KLHL12: variants seen among roughly 807,000 people sequenced by gnomAD.
KLHL12 encodes the protein kelch-like protein 12.
KLHL12 carries 17 observed loss-of-function variants against 60.8 expected under a neutral mutation model. The observed-to-expected ratio is 0.28, with a 90% CI of 0.19 to 0.42. The LOEUF is 0.42. Ranked by LOEUF, KLHL12 falls within the 10% of genes least tolerant of loss-of-function variation. The pLI is 1.00. For missense variants in KLHL12, 468 were observed against 722.3 expected, an observed-to-expected ratio of 0.65 and a Z score of 4.04; for synonymous variants, 220 against 250.9, an observed-to-expected ratio of 0.88 and a Z score of 1.16.
chr1:202,892,785 A>G, intron 11 of KLHL12, 126 bp from the exon 12 acceptor site: 8 of 902,356 alleles, frequency 8.9e-6, no homozygotes, highest in Non-Finnish European at 1.3e-5. Flanking sequence ...ATTTGAGACC[A>G]GCCTGGGCAA....
intron 4 of KLHL12, among the ~76,000 whole-genome samples, chr1:202,916,431 T>C (rs1474735424): frequency 2.6e-5 from 4 of 152,220 alleles, no homozygotes; most frequent in African/African-American, 9.6e-5. Context: ...AAGTGGCTGA[T>C]GTCAGGAGTT....
At chr1:202,901,770 G>A (rs1660014778) in intron 6 of KLHL12, among the ~76,000 whole-genome samples, 1 of 152,132 alleles carries the variant, frequency 6.6e-6, no homozygotes, top group Admixed American at 6.5e-5. Flanking sequence ...TGCCAACAGA[G>A]CTTTTGATAA....
In KLHL12 at chr1:202,912,639, G is replaced by A. The variant is rs188508213; in HGVS notation, c.568-1436C>T. On this transcript the variant is annotated intron_variant, in intron 4 of 11. Coordinates refer to ENST00000367261, the MANE Select transcript of KLHL12 (RefSeq NM_021633.4). ...GGCAGAAGCTCTGGGCCCCTATGGC[G>A]GTGGAGGCCAATACTCTGCCAAACC... The A allele has an allele frequency of 8.2e-4, 1,092 of 1,335,218 alleles. 6 individuals carry two copies. The African/African-American group carries it at 0.014, about 17-fold the overall frequency. 82.7% of individuals were successfully genotyped at this position (1,335,218 alleles called of 1,614,324 possible). A position where few individuals can be genotyped will look rare whatever the true frequency, so the allele number is the denominator to read the frequency against.
intron 10 of KLHL12, 119 bp downstream of exon 10, chr1:202,894,065 A>G: frequency 3.3e-6 from 2 of 598,880 alleles, no homozygotes; most frequent in East Asian, 2.9e-5. Flanking sequence ...AAACAGAGAC[A>G]AGGAGGAGAG....
rs943225991 is a variant in KLHL12, at chr1:202,895,456, G to A, written c.1135+66C>T. 7 of 1,354,842 alleles carry A rather than the reference G, an allele frequency of 5.2e-6. No individual in the cohort carries two copies. The African/African-American group carries it at 7.3e-5, about 14-fold the overall frequency. 83.9% of individuals were successfully genotyped at this position (1,354,842 alleles called of 1,614,324 possible). ...ATTTCATGCTCCTGCCAGACAACAGGAGAGGTTAAAAACCCTGGTCCAGCC... is the reference window on the plus strand; with the variant it reads ...ATTTCATGCTCCTGCCAGACAACAGAAGAGGTTAAAAACCCTGGTCCAGCC... On this transcript the variant is annotated intron_variant, in intron 8 of 11. Coordinates refer to ENST00000367261, the MANE Select transcript of KLHL12 (RefSeq NM_021633.4). This position sits in a 1 kb window ranked among gnomAD's most constrained non-coding sequence, Gnocchi z 4.2.
intron 7 of KLHL12, among the ~76,000 whole-genome samples, chr1:202,896,062 C>T (rs1416209072): frequency 1.3e-5 from 2 of 152,182 alleles, no homozygotes; most frequent in Non-Finnish European, 2.9e-5. Context: ...AAAGTATTCC[C>T]ACATTGCTAA....
intron 4 of KLHL12, chr1:202,911,956 G>T: frequency 1.2e-6 from 1 of 812,238 alleles, no homozygotes; most frequent in East Asian, 2.4e-5. Flanking sequence ...GGTAATGAGA[G>T]ACCCAAACAC....
chr1:202,893,701 G>A lies in KLHL12; in HGVS notation c.1394-276C>T, dbSNP rs1346882973. Among the ~76,000 whole-genome samples, 1 of 152,170 alleles carries A rather than the reference G, an allele frequency of 6.6e-6. No individual in the cohort carries two copies. The highest frequency in any genetic ancestry group is 1.5e-5 in the Non-Finnish European group (1 of 68,030). ...CCAACCCTTCTAATTAGGAGAAAGG[G>A]AGGAAGTGAAAAAAAGGTGGCAATA... On this transcript the variant is annotated intron_variant, in intron 10 of 11. Transcript: ENST00000367261. The surrounding 1 kb of genome is among the most constrained non-coding windows in gnomAD (Gnocchi z 4.1).
intron 1 of KLHL12, among the ~76,000 whole-genome samples, chr1:202,925,593 A>G (rs1484163835): frequency 6.6e-6 from 1 of 152,232 alleles, no homozygotes; most frequent in Non-Finnish European, 1.5e-5. Context: ...TAAGTAGATA[A>G]GTATTTAGAG....
chr1:202,912,418 T>G, intron 4 of KLHL12: 1 of 821,664 alleles, frequency 1.2e-6, no homozygotes. Context: ...TCTGGAAACT[T>G]TGGTTTGGTC....
chr1:202,918,321 C>T lies in KLHL12; in HGVS notation c.417G>A (p.Arg139=), dbSNP rs776451336. The change falls in exon 4 of 12, where the codon AGG becomes AGA. Residue 139 remains arginine, a synonymous_variant. Coordinates refer to ENST00000367261, the MANE Select transcript of KLHL12 (RefSeq NM_021633.4). The stretch of plus-strand genomic sequence containing the variant: ...CACAATTGTGGGTTTCAGCAAAATC[C>T]CTAATACCCAGGCAATTAGAAGGGT... ...QLDPSNCLGI[R]DFAETHNCVD... is the part of the protein sequence containing the mutation. The T allele has an allele frequency of 2.5e-6, 4 of 1,614,132 alleles. No individual in the cohort carries two copies. The South Asian group carries it at 4.4e-5, about 18-fold the overall frequency.
At chr1:202,925,510 G>A (rs758824454) in intron 1 of KLHL12, among the ~76,000 whole-genome samples, 2 of 152,092 alleles carry the variant, frequency 1.3e-5, no homozygotes, top group Non-Finnish European at 1.5e-5. Context: ...TCTTGACAAG[G>A]TTCTTGTCTC....
intron 4 of KLHL12, chr1:202,912,741 A>G: frequency 5.8e-6 from 8 of 1,391,034 alleles, no homozygotes; most frequent in Middle Eastern, 2.4e-4. Flanking sequence ...ATTAGGAAAC[A>G]AAGCTTAGCT....
At position 202,898,972 on chromosome 1, in the gene KLHL12, C is replaced by T. The variant is rs551963778; in HGVS notation, c.833-2012G>A. On this transcript the variant is annotated intron_variant, in intron 6 of 11. Coordinates refer to ENST00000367261, the MANE Select transcript of KLHL12 (RefSeq NM_021633.4). Reference sequence around the variant, plus strand: ...TTTTTCCTTATCTTTTAGAGACACACGTGGAAGTATGACACATAGGCATGG... The same window carrying T: ...TTTTTCCTTATCTTTTAGAGACACATGTGGAAGTATGACACATAGGCATGG... Among the ~76,000 whole-genome samples the T allele has an allele frequency of 3.3e-5, 5 of 150,904 alleles. No individual in the cohort carries two copies. In the South Asian group the frequency reaches 1.1e-3, roughly 32 times the overall value.
chr1:202,894,084 C>T, intron 10 of KLHL12, 100 bp downstream of exon 10: 2 of 648,648 alleles, frequency 3.1e-6, no homozygotes, highest in South Asian at 2.1e-5. Context: ...AGCAGAATCT[C>T]ATTTTTACAT....
chr1:202,895,487 A>G lies in KLHL12; in HGVS notation c.1135+35T>C. 1 of 1,585,828 alleles carries G rather than the reference A, an allele frequency of 6.3e-7. No homozygotes were observed. On this transcript the variant is annotated intron_variant, in intron 8 of 11. Transcript: ENST00000367261. This position sits in a 1 kb window ranked among gnomAD's most constrained non-coding sequence, Gnocchi z 4.2. ...TTAAAAACCCTGGTCCAGCCACAGT[A>G]AGATGGAAATAATTGCCCTGCACAT...
rs1659677565 is a variant in KLHL12, at chr1:202,891,586, G to C, written c.*947C>G. 6.6e-6 allele frequency: 1 copy of C among 152,244 alleles called. No homozygotes were observed. Among genetic ancestry groups the C allele is most frequent in the African/African-American group, 2.4e-5 (1 of 41,454 alleles). The allele number at this position is 152,244 out of a possible 1,614,324, so 9.4% of individuals were successfully genotyped here. ...AAATAAATAGTGTGGAAGTGTAATAGTGTAGTAGTATTTGATCCAACAAAG... is the reference window on the plus strand; with the variant it reads ...AAATAAATAGTGTGGAAGTGTAATACTGTAGTAGTATTTGATCCAACAAAG... On this transcript the variant is annotated 3_prime_UTR_variant, in exon 12 of 12. Transcript: ENST00000367261.
intron 4 of KLHL12, among the ~76,000 whole-genome samples, chr1:202,915,473 TA>T (rs1056749287): frequency 3.4e-4 from 51 of 151,524 alleles, no homozygotes; most frequent in African/African-American, 9.2e-4. Flanking sequence ...GACACACACT[TA>T]AAAAAAAACT....
chr1:202,906,719 T>C (rs940796523), intron 6 of KLHL12, among the ~76,000 whole-genome samples: 10 of 152,160 alleles, frequency 6.6e-5, no homozygotes, highest in Admixed American at 3.3e-4. Flanking sequence ...TGGAGTACAA[T>C]GGTGCAATCT....
Sources: gnomAD v4.1 joint callset for allele counts (sites outside exome capture counted in the v4.1 genomes callset) on GRCh38, gnomAD v4.1.1 for gene constraint, Gnocchi (gnomAD v3.1) non-coding constraint, MANE v1.5 for transcripts, NCBI Gene and HGNC (gene_info 2026-07-23, HGNC 2026-07-21) for gene names.